Variants in ABCB1 observed in about 807,000 individuals in gnomAD.
ABCB1 encodes the protein ATP-dependent translocase ABCB1.
In ABCB1, 69 loss-of-function variants were observed where a neutral mutation model predicts 142.0. The observed-to-expected ratio is 0.49, with a 90% CI of 0.40 to 0.59. The LOEUF is 0.59. Among genes scored for constraint, ABCB1 ranks in the 20% least tolerant of loss-of-function variants. The pLI, the probability that ABCB1 is intolerant of heterozygous loss-of-function variation, is 0.00. For missense variants in ABCB1, 1,326 were observed against 1,554.7 expected (o/e 0.85, Z 2.47); for synonymous variants, 532 against 539.2 (o/e 0.99, Z 0.18).
At chr7:87,517,803 C>T (rs912650012) in intron 23 of ABCB1, among the ~76,000 whole-genome samples, 17 of 151,962 alleles carry the variant, frequency 1.1e-4, no homozygotes, top group African/African-American at 3.6e-4. Context: ...TTGGGAAGGA[C>T]CTTACAGGTA....
At chr7:87,514,531 C>T (rs1315581914) in intron 25 of ABCB1, among the ~76,000 whole-genome samples, 3 of 152,038 alleles carry the variant, frequency 2.0e-5, no homozygotes, top group Non-Finnish European at 4.4e-5. Flanking sequence ...TGTTTCAATG[C>T]CCTCTCTCCA....
intron 7 of ABCB1, chr7:87,565,503 G>T: frequency 2.2e-6 from 1 of 453,794 alleles, no homozygotes; most frequent in South Asian, 1.6e-5. Flanking sequence ...GGATTTATAT[G>T]CATCCTTAGG....
Position 87,549,990 on chromosome 7 carries a change from A to G in ABCB1, c.1415T>C (p.Val472Ala). Residue 472 changes from valine (V) to alanine (A), a missense_variant, in exon 13 of 28, where the codon GTG (valine) becomes GCG (alanine). Transcript: ENST00000622132. ...NVRFLREIIG[V>A]VSQEPVLFAT... Reference sequence around the variant, plus strand: ...AAACAATACAGGTTCCTGACTCACCACACCAATGATTTCCCGTAGAAACCT... The same window carrying G: ...AAACAATACAGGTTCCTGACTCACCGCACCAATGATTTCCCGTAGAAACCT... 6.2e-7 allele frequency: 1 copy of G among 1,614,256 alleles called. No individual in the cohort carries two copies. Among genetic ancestry groups the G allele is most frequent in the Non-Finnish European group, 8.5e-7 (1 of 1,180,046 alleles).
chr7:87,694,712 C>A (rs76977635), intron 1 of ABCB1, among the ~76,000 whole-genome samples: 171 of 152,226 alleles, frequency 1.1e-3, no homozygotes, highest in African/African-American at 4.0e-3. Flanking sequence ...TGTACGATTT[C>A]ATTCCACCAG....
chr7:87,618,701 G>T (rs1216538067), intron 1 of ABCB1, among the ~76,000 whole-genome samples: 1 of 152,138 alleles, frequency 6.6e-6, no homozygotes, highest in East Asian at 1.9e-4. Flanking sequence ...TGTAATTAAG[G>T]TTACTAATCA....
intron 1 of ABCB1, among the ~76,000 whole-genome samples, chr7:87,704,912 T>TA (rs1829453450): frequency 6.6e-6 from 1 of 152,224 alleles, no homozygotes. Flanking sequence ...TATTGAGGCT[T>TA]ACAGCTGCAA....
chr7:87,634,827 TA>T (rs1821603190), intron 1 of ABCB1, among the ~76,000 whole-genome samples: 1 of 152,188 alleles, frequency 6.6e-6, no homozygotes, highest in Non-Finnish European at 1.5e-5. Context: ...ACATTAGTTA[TA>T]TACCTTGGAA....
At chr7:87,619,980 T>A (rs569363445) in intron 1 of ABCB1, among the ~76,000 whole-genome samples, 2 of 152,282 alleles carry the variant, frequency 1.3e-5, no homozygotes, top group African/African-American at 4.8e-5. Flanking sequence ...AGATTACTTG[T>A]GGATTACTGA....
chr7:87,700,538 GTTC>G, intron 1 of ABCB1: 1 of 1,612,514 alleles, frequency 6.2e-7, no homozygotes, highest in Non-Finnish European at 8.5e-7. Flanking sequence ...GAAAATGTCA[GTTC>G]TTCTAGAGCT....
chr7:87,556,230 A>G (rs992808947), intron 8 of ABCB1, among the ~76,000 whole-genome samples: 1 of 152,214 alleles, frequency 6.6e-6, no homozygotes, highest in Non-Finnish European at 1.5e-5. Flanking sequence ...TTGTGAAAAT[A>G]TTTATCAATA....
At chr7:87,676,812 A>G (rs1442484928) in intron 1 of ABCB1, among the ~76,000 whole-genome samples, 1 of 152,122 alleles carries the variant, frequency 6.6e-6, no homozygotes, top group East Asian at 1.9e-4. Flanking sequence ...CTTCCACTAA[A>G]TAATAAAAAT....
At chr7:87,650,928 C>T (rs1283048545) in intron 1 of ABCB1, 6 of 1,584,632 alleles carry the variant, frequency 3.8e-6, no homozygotes, top group African/African-American at 2.7e-5. Flanking sequence ...TTTAAGCCAC[C>T]GGCTAAAAGG....
At chr7:87,602,725 C>T (rs1819508364), upstream of ABCB1, among the ~76,000 whole-genome samples, 1 of 152,158 alleles carries the variant, frequency 6.6e-6, no homozygotes, top group Non-Finnish European at 1.5e-5. Flanking sequence ...CAGAATAACA[C>T]AGATTTTAAA....
At chr7:87,667,581 G>A (rs187952000) in intron 1 of ABCB1, among the ~76,000 whole-genome samples, 42 of 152,064 alleles carry the variant, frequency 2.8e-4, no homozygotes, top group Admixed American at 8.5e-4. Context: ...GGGGAAATGC[G>A]TCTGGCTTTT....
chr7:87,613,693 C>T (rs1489055349), intron 1 of ABCB1, among the ~76,000 whole-genome samples: 2 of 152,044 alleles, frequency 1.3e-5, no homozygotes, highest in Non-Finnish European at 2.9e-5. Context: ...ATACTGGAGT[C>T]TACTAAAGAG....
At chr7:87,595,103 C>T (rs1431643936) in intron 3 of ABCB1, among the ~76,000 whole-genome samples, 1 of 151,970 alleles carries the variant, frequency 6.6e-6, no homozygotes, top group Non-Finnish European at 1.5e-5. Context: ...AGGTCATCAA[C>T]CAACCACACA....
At chr7:87,526,305 GTTC>G (rs1815781324) in intron 21 of ABCB1, among the ~76,000 whole-genome samples, 1 of 151,862 alleles carries the variant, frequency 6.6e-6, no homozygotes, top group Non-Finnish European at 1.5e-5. Flanking sequence ...CTTGCATGAT[GTTC>G]TTCTCTCTGG....
intron 20 of ABCB1, 35 bp from the exon 21 acceptor site, chr7:87,531,532 ATAT>A (rs1563037937): frequency 6.3e-7 from 1 of 1,590,770 alleles, no homozygotes; most frequent in South Asian, 1.1e-5. Context: ...AATTTTAAAA[ATAT>A]TATCTTCACA....
intron 1 of ABCB1, among the ~76,000 whole-genome samples, chr7:87,679,670 G>GGAT (rs1826733084): frequency 6.7e-6 from 1 of 150,330 alleles, no homozygotes; most frequent in South Asian, 2.1e-4. Context: ...GATTACAAGT[G>GGAT]TGAACCACTG....
Sources: gnomAD v4.1 joint callset for allele counts (sites outside exome capture counted in the v4.1 genomes callset) on GRCh38, gnomAD v4.1.1 for gene constraint, MANE v1.5 for transcripts, NCBI Gene and HGNC (gene_info 2026-07-23, HGNC 2026-07-21) for gene names.